The following CIB4 variants were observed in gnomAD, a reference collection of about 807,000 sequenced individuals.
The protein encoded by CIB4 is calcium and integrin-binding family member 4.
Under a neutral mutation model 25.8 loss-of-function variants are expected in CIB4, and 25 were observed. The observed-to-expected ratio is 0.97, with a 90% CI of 0.71 to 1.35. The LOEUF (loss-of-function observed/expected upper bound fraction) is 1.35, where lower values mean the gene tolerates loss of function less well. Ranked by LOEUF, CIB4 falls within the 40% of genes most tolerant of loss-of-function variation. The probability of loss-of-function intolerance (pLI) is 0.00; values close to 1 mark genes in which losing one functional copy is unlikely to be tolerated. For synonymous variants in CIB4, 75 were observed against 81.4 expected (o/e 0.92, Z 0.42); for missense variants, 235 against 228.2 (o/e 1.03, Z -0.19).
intron 5 of CIB4, 75 bp from the exon 6 acceptor site, chr2:26,582,988 G>C: frequency 1.0e-5 from 10 of 974,226 alleles, no homozygotes; most frequent in Non-Finnish European, 1.6e-5. Context: ...GGTGGAGGGG[G>C]AAAGCCACAT....
Position 26,582,907 on chromosome 2 carries a change from T to G in CIB4, c.445A>C (p.Ser149Arg), listed in dbSNP as rs1424971927. The G allele has an allele frequency of 6.2e-7, 1 of 1,611,488 alleles. No homozygotes were observed. The highest frequency in any genetic ancestry group is 2.2e-5 in the East Asian group (1 of 44,872). ...LLMDLTNHVLSESDLDNDNML... is the reference protein window; with the variant it reads ...LLMDLTNHVLRESDLDNDNML... ...TTGTCATTGTCCAGATCCGACTCAC[T>G]CAGGACCTGGCGAGGGAGCACAGAA... Residue 149 changes from serine (S) to arginine (R), a missense_variant, in exon 6 of 7, where the codon AGT (serine) becomes CGT (arginine). By Grantham distance (110) the Ser-to-Arg change is moderately radical. Transcript: ENST00000288861.
At chr2:26,594,357 C>T (rs1469394331) in intron 4 of CIB4, among the ~76,000 whole-genome samples, 3 of 152,152 alleles carry the variant, frequency 2.0e-5, no homozygotes, top group Admixed American at 6.5e-5. Context: ...AAACTGAGGC[C>T]TCATAGGTCC....
At chr2:26,596,499 T>G (rs1668685244) in intron 3 of CIB4, among the ~76,000 whole-genome samples, 1 of 152,110 alleles carries the variant, frequency 6.6e-6, no homozygotes, top group African/African-American at 2.4e-5. Flanking sequence ...ATCCCAGCAC[T>G]TTGGGTGGCC....
intron 4 of CIB4, among the ~76,000 whole-genome samples, chr2:26,586,346 A>G (rs1668452877): frequency 6.6e-6 from 1 of 151,948 alleles, no homozygotes; most frequent in African/African-American, 2.4e-5. Context: ...GGACACTCTC[A>G]CCCAGAGATC....
At chr2:26,637,223 C>G (rs1013617302) in intron 2 of CIB4, among the ~76,000 whole-genome samples, 1 of 152,164 alleles carries the variant, frequency 6.6e-6, no homozygotes, top group African/African-American at 2.4e-5. Flanking sequence ...CTGTTTTCAC[C>G]TGATCCTGCA....
intron 3 of CIB4, among the ~76,000 whole-genome samples, chr2:26,620,778 G>A (rs141976473): frequency 3.9e-5 from 6 of 152,246 alleles, no homozygotes; most frequent in South Asian, 2.1e-4. Flanking sequence ...CTTCTGACGC[G>A]CAAGCCAAGG....
intron 5 of CIB4, among the ~76,000 whole-genome samples, chr2:26,583,585 T>G (rs2148186181): frequency 6.6e-6 from 1 of 152,288 alleles, no homozygotes; most frequent in East Asian, 1.9e-4. Context: ...CCTCCAGCTG[T>G]GTGCCCATTC....
At chr2:26,605,040 T>C (rs1382304413) in intron 3 of CIB4, among the ~76,000 whole-genome samples, 2 of 152,128 alleles carry the variant, frequency 1.3e-5, no homozygotes, top group Admixed American at 1.3e-4. Context: ...AAAACCAATC[T>C]CAATGAATTT....
At chr2:26,605,469 G>C (rs1303879094) in intron 3 of CIB4, 4 of 470,348 alleles carry the variant, frequency 8.5e-6, no homozygotes, top group Non-Finnish European at 1.8e-5. Flanking sequence ...CGGTGACTTG[G>C]ACGCCACAGG....
At chr2:26,638,786 C>T (rs1669580258) in intron 2 of CIB4, among the ~76,000 whole-genome samples, 1 of 152,108 alleles carries the variant, frequency 6.6e-6, no homozygotes, top group Non-Finnish European at 1.5e-5. Context: ...AACCCTATCT[C>T]TACAGAAATA....
rs1558554944 is a variant in CIB4 at position 26,589,077 on chromosome 2, CTT to C, written c.329-5181_329-5180del. 3.2e-3 allele frequency among the ~76,000 whole-genome samples: 206 copies of C among 64,334 alleles called. 26 individuals carry two copies. The highest frequency in any genetic ancestry group is 0.017 in the African/African-American group (190 of 11,454). 42.2% of individuals were successfully genotyped at this position (64,334 alleles called of 152,430 possible). A position where few individuals can be genotyped will look rare whatever the true frequency, so the allele number is the denominator to read the frequency against. On this transcript the variant is annotated intron_variant, in intron 4 of 6. Transcript: ENST00000288861. ...TCTTCTTCCTCTTCCTCTTCCTCTT[CTT>C]CTTCTTCTTCTTCTTCTTCTTCTTC...
chr2:26,619,042 T>C (rs1669151005), intron 3 of CIB4, among the ~76,000 whole-genome samples: 1 of 152,152 alleles, frequency 6.6e-6, no homozygotes, highest in African/African-American at 2.4e-5. Context: ...AGAAGCCCCA[T>C]CGGCCCCCAT....
intron 3 of CIB4, chr2:26,605,594 G>A (rs1668873232): frequency 2.1e-6 from 1 of 470,468 alleles, no homozygotes. Flanking sequence ...GTCTGAACCA[G>A]GATTCACCCT....
intron 4 of CIB4, among the ~76,000 whole-genome samples, chr2:26,585,704 T>C (rs1668438202): frequency 6.6e-6 from 1 of 152,088 alleles, no homozygotes; most frequent in Non-Finnish European, 1.5e-5. Flanking sequence ...TTTCAGCTCA[T>C]TGCAACCTTT....
Position 26,641,295 on chromosome 2 carries a change from T to C in CIB4, c.20A>G (p.Tyr7Cys). 6.2e-7 allele frequency: 1 copy of C among 1,613,748 alleles called. No homozygotes were observed. Among genetic ancestry groups the C allele is most frequent in the Non-Finnish European group, 8.5e-7 (1 of 1,179,812 alleles). MGQCLR[Y>C]QMHWEDLEEY... ...TTCCAGGTCCTCCCAGTGCATCTGA[T>C]ACCTCAAGCATTGCCCCATGCCAAC... Residue 7 changes from tyrosine to cysteine, a missense_variant, in exon 1 of 7, where the codon TAT (tyrosine) becomes TGT (cysteine). Coordinates refer to ENST00000288861, the MANE Select transcript of CIB4 (RefSeq NM_001029881.3).
intron 3 of CIB4, among the ~76,000 whole-genome samples, chr2:26,606,663 G>T (rs914803933): frequency 6.6e-6 from 1 of 152,200 alleles, no homozygotes; most frequent in Non-Finnish European, 1.5e-5. Context: ...TTTCTGGGGC[G>T]CTGGGGTCCA....
At chr2:26,623,204 G>A (rs1669238029) in intron 3 of CIB4, among the ~76,000 whole-genome samples, 2 of 151,548 alleles carry the variant, frequency 1.3e-5, no homozygotes, top group Non-Finnish European at 2.9e-5. Context: ...TTAGCTGGGT[G>A]TGGTGGTACA....
At chr2:26,619,941 G>A (rs1236815756) in intron 3 of CIB4, among the ~76,000 whole-genome samples, 5 of 146,564 alleles carry the variant, frequency 3.4e-5, no homozygotes, top group East Asian at 2.0e-4. Flanking sequence ...TACAGACTCC[G>A]CAACTGAGGA....
At chr2:26,590,075 G>A (rs1018995441) in intron 4 of CIB4, among the ~76,000 whole-genome samples, 1 of 151,602 alleles carries the variant, frequency 6.6e-6, no homozygotes, top group Non-Finnish European at 1.5e-5. Flanking sequence ...TTTCTTTTTT[G>A]TAATACCATG....
Sources: allele counts gnomAD v4.1 joint callset (sites outside exome capture counted in the v4.1 genomes callset), GRCh38; gene constraint gnomAD v4.1.1; transcripts MANE v1.5; gene names NCBI Gene and HGNC (gene_info 2026-07-23, HGNC 2026-07-21).